The following SLC4A7 variants were observed in gnomAD, a reference collection of about 807,000 sequenced individuals.
The protein encoded by SLC4A7 is solute carrier family 4 member 7, also known as sodium bicarbonate cotransporter 3.
A neutral mutation model predicts 137.6 loss-of-function variants in SLC4A7; 51 were observed. That is an observed-to-expected ratio of 0.37 (90% confidence interval 0.30 to 0.47). The LOEUF is 0.47. Ranked by LOEUF, SLC4A7 falls within the 20% of genes least tolerant of loss-of-function variation. The pLI, the probability that SLC4A7 is intolerant of heterozygous loss-of-function variation, is 1.00. For synonymous variants in SLC4A7, 542 were observed against 518.6 expected (o/e 1.05, Z -0.61); for missense variants, 1,247 against 1,525.4 (o/e 0.82, Z 3.04).
intron 3 of SLC4A7, among the ~76,000 whole-genome samples, chr3:27,439,754 G>A (rs1380071749): frequency 6.6e-6 from 1 of 152,150 alleles, no homozygotes; most frequent in Non-Finnish European, 1.5e-5. Context: ...TTCTAGTACA[G>A]TGTTATATAA....
intron 11 of SLC4A7, among the ~76,000 whole-genome samples, chr3:27,413,043 T>C (rs1471767709): frequency 6.6e-6 from 1 of 152,124 alleles, no homozygotes; most frequent in Non-Finnish European, 1.5e-5. Flanking sequence ...TAAAGACTGC[T>C]GTTTGAAAAA....
Position 27,398,362 on chromosome 3 carries a change from AAG to A in SLC4A7, c.2428-11_2428-10del, listed in dbSNP as rs1477495276. On this transcript the variant is annotated splice_polypyrimidine_tract_variant and intron_variant, in intron 16 of 25. Coordinates refer to ENST00000454389, the MANE Select transcript of SLC4A7 (RefSeq NM_001321103.2). ...CGAAGTTTTTTACATTCCTGGAAAA[AAG>A]GAGAAAGAAAAAGCAGAATGGGGGA... is the stretch of plus-strand genomic sequence containing the variant. 1 of 1,585,176 alleles carries A rather than the reference AAG, an allele frequency of 6.3e-7. No individual in the cohort carries two copies. The highest frequency in any genetic ancestry group is 1.4e-5 in the African/African-American group (1 of 73,310).
chr3:27,472,552 A>G (rs533971721), intron 1 of SLC4A7, among the ~76,000 whole-genome samples: 17 of 152,336 alleles, frequency 1.1e-4, no homozygotes, highest in African/African-American at 3.8e-4. Flanking sequence ...TATAAAGTGT[A>G]TAATTTGCAT....
chr3:27,431,153 C>CAT, intron 7 of SLC4A7, 145 bp downstream of exon 7: 4 of 908,268 alleles, frequency 4.4e-6, no homozygotes, highest in Non-Finnish European at 6.1e-6. Context: ...CACAATCTAT[C>CAT]ATAAAGAAAA....
In SLC4A7 at chr3:27,431,604, T is replaced by C; in HGVS notation, c.844A>G (p.Arg282Gly). 6.2e-7 allele frequency: 1 copy of C among 1,613,728 alleles called. No homozygotes were observed. Among genetic ancestry groups the C allele is most frequent in the Non-Finnish European group, 8.5e-7 (1 of 1,179,816 alleles). The change falls in exon 7 of 26, where the codon AGA becomes GGA. Residue 282 changes from arginine (R) to glycine (G), a missense_variant. Arg to Gly is a moderately radical substitution (Grantham distance 125, BLOSUM62 -2). Coordinates refer to ENST00000454389, the MANE Select transcript of SLC4A7 (RefSeq NM_001321103.2). The part of the protein sequence containing the change: ...TGLSASNLSL[R>G]GESPLSLLLG... ...AGAAGAGATAAAGGTGATTCTCCTC[T>C]CAAGGAAAGGTTTGAGGCAGACAGA... is the stretch of plus-strand genomic sequence containing the variant.
Position 27,420,696 on chromosome 3 carries a change from T to C in SLC4A7, c.1512+4A>G. On this transcript the variant is annotated splice_donor_region_variant and intron_variant, in intron 10 of 25. Coordinates refer to ENST00000454389, the MANE Select transcript of SLC4A7 (RefSeq NM_001321103.2). ...TTCAAAGAGACTTGGAGTATTCTGA[T>C]TACCTCATCTGTCATGAGAGTGGCT... 6 of 1,585,766 alleles carry C rather than the reference T, an allele frequency of 3.8e-6. No homozygotes were observed. Among genetic ancestry groups the C allele is most frequent in the Non-Finnish European group, 5.2e-6 (6 of 1,154,306 alleles).
intron 18 of SLC4A7, among the ~76,000 whole-genome samples, chr3:27,396,028 T>G (rs2052122076): frequency 6.6e-6 from 1 of 152,204 alleles, no homozygotes; most frequent in Non-Finnish European, 1.5e-5. Context: ...GCAATTTTTT[T>G]TTAAAGATCA....
rs544792059 is a variant in SLC4A7 at position 27,450,558 on chromosome 3, C to T, written c.143-1761G>A. On this transcript the variant is annotated intron_variant, in intron 2 of 25. Transcript: ENST00000454389. ...AAAGAGTCAAATTCCCATCACTGCA[C>T]TGGGAATTACAAAGTTGTTCCTCCA... 8.5e-5 allele frequency among the ~76,000 whole-genome samples: 13 copies of T among 152,156 alleles called. No homozygotes were observed. In the South Asian group the frequency reaches 1.2e-3, roughly 15 times the overall value.
At chr3:27,439,682 T>C (rs1304566302) in intron 3 of SLC4A7, among the ~76,000 whole-genome samples, 1 of 152,230 alleles carries the variant, frequency 6.6e-6, no homozygotes, top group Non-Finnish European at 1.5e-5. Flanking sequence ...AAGACCATTT[T>C]ACTTTTTCAT....
chr3:27,468,172 G>A (rs1421463050), intron 1 of SLC4A7, among the ~76,000 whole-genome samples: 2 of 151,874 alleles, frequency 1.3e-5, no homozygotes, highest in Non-Finnish European at 1.5e-5. Context: ...CAAGTGATCC[G>A]CCCGCCTCGG....
chr3:27,403,173 T>A lies in SLC4A7; in HGVS notation c.2287A>T (p.Met763Leu). The A allele has an allele frequency of 6.2e-7, 1 of 1,613,278 alleles. No homozygotes were observed. Among genetic ancestry groups the A allele is most frequent in the Non-Finnish European group, 8.5e-7 (1 of 1,179,758 alleles). Residue 763 changes from methionine (M) to leucine (L), a missense_variant, in exon 15 of 26, where the codon ATG becomes TTG. Physicochemically the swap from Met to Leu is conservative, Grantham distance 15 (BLOSUM62 2). Transcript: ENST00000454389. ...FDLGETYAFN[M>L]HNNLDKLTSY... ...GTCAGTTTATCTAAGTTGTTGTGCATATTAAATGCATATGTTTCTCCTAAA... is the reference window on the plus strand; with the variant it reads ...GTCAGTTTATCTAAGTTGTTGTGCAAATTAAATGCATATGTTTCTCCTAAA...
At chr3:27,386,138 T>A in intron 22 of SLC4A7, 115 bp from the exon 23 acceptor site, 1 of 689,812 alleles carries the variant, frequency 1.4e-6, no homozygotes, top group Non-Finnish European at 2.3e-6. Flanking sequence ...GTTTAAAAAT[T>A]ATTCACACAT....
At chr3:27,405,358 C>T (rs1431427008) in intron 13 of SLC4A7, among the ~76,000 whole-genome samples, 4 of 152,084 alleles carry the variant, frequency 2.6e-5, no homozygotes, top group Admixed American at 2.6e-4. Context: ...AATCCAAAAT[C>T]TGAACTACTC....
chr3:27,376,492 T>G lies in SLC4A7; in HGVS notation c.*272A>C. On this transcript the variant is annotated 3_prime_UTR_variant, in exon 26 of 26. Coordinates refer to ENST00000454389, the MANE Select transcript of SLC4A7 (RefSeq NM_001321103.2). ...ATTTAAGAAAAGTAGACTGAAAGCA[T>G]TTCTCCACATCCTTCTATTGCAAAA... is the stretch of plus-strand genomic sequence containing the variant. 4.4e-6 allele frequency: 1 copy of G among 229,056 alleles called. No individual in the cohort carries two copies. The highest frequency in any genetic ancestry group is 8.4e-6 in the Non-Finnish European group (1 of 119,404). The allele number at this position is 229,056 out of a possible 1,614,324, so 14.2% of individuals were successfully genotyped here. A position where few individuals can be genotyped will look rare whatever the true frequency, so the allele number is the denominator to read the frequency against.
chr3:27,392,870 G>A (rs1218018000), intron 20 of SLC4A7, among the ~76,000 whole-genome samples: 2 of 151,734 alleles, frequency 1.3e-5, no homozygotes, highest in Non-Finnish European at 2.9e-5. Flanking sequence ...AAATAAGAAT[G>A]GGAAAAGCTC....
Position 27,437,438 on chromosome 3 carries a change from A to G in SLC4A7, c.378T>C (p.Asp126=). ...HIPHDLFTEM[D]ELCYRDGEEY... is the part of the protein sequence containing the mutation. The stretch of plus-strand genomic sequence containing the variant: ...CTTCTCCATCTCTGTAACACAGTTC[A>G]TCCATTTCCGTGAAGAGATCATGGG... Residue 126 remains aspartate, a synonymous_variant, in exon 4 of 26, where the codon GAT becomes GAC. Coordinates refer to ENST00000454389, the MANE Select transcript of SLC4A7 (RefSeq NM_001321103.2). The G allele has an allele frequency of 1.2e-6, 2 of 1,604,034 alleles. No homozygotes were observed. Among genetic ancestry groups the G allele is most frequent in the Non-Finnish European group, 1.7e-6 (2 of 1,174,242 alleles).
rs539928482 is a variant in SLC4A7 at position 27,411,385 on chromosome 3, C to T, written c.1766+257G>A. On this transcript the variant is annotated intron_variant, in intron 12 of 25. Transcript: ENST00000454389. Reference sequence around the variant, plus strand: ...TGTATAAGCAATGGAAATTAACCTACACACTATATAACTGCAATATTCTGA... The same window carrying T: ...TGTATAAGCAATGGAAATTAACCTATACACTATATAACTGCAATATTCTGA... Among the ~76,000 whole-genome samples the T allele has an allele frequency of 1.1e-4, 17 of 152,076 alleles. No individual in the cohort carries two copies. In the East Asian group the frequency reaches 3.3e-3, roughly 29 times the overall value.
chr3:27,390,792 A>T (rs979594047), intron 21 of SLC4A7, among the ~76,000 whole-genome samples: 25 of 152,208 alleles, frequency 1.6e-4, no homozygotes, highest in African/African-American at 5.8e-4. Flanking sequence ...TGTAGCGCTA[A>T]CTGTGCTTTA....
At position 27,376,697 on chromosome 3, in the gene SLC4A7, A is replaced by G; in HGVS notation, c.*67T>C. On this transcript the variant is annotated 3_prime_UTR_variant, in exon 26 of 26. Coordinates refer to ENST00000454389, the MANE Select transcript of SLC4A7 (RefSeq NM_001321103.2). ...AGCATGACATACAATATTCTTATAT[A>G]TAGTGACATGATACGCACACATTAC... is the stretch of plus-strand genomic sequence containing the variant. 3 of 959,662 alleles carry G rather than the reference A, an allele frequency of 3.1e-6. No individual in the cohort carries two copies. Among genetic ancestry groups the G allele is most frequent in the Non-Finnish European group, 3.3e-6 (2 of 605,686 alleles). The allele number at this position is 959,662 out of a possible 1,614,324, so 59.4% of individuals were successfully genotyped here. A position where few individuals can be genotyped will look rare whatever the true frequency, so the allele number is the denominator to read the frequency against.
Sources: allele counts gnomAD v4.1 joint callset (sites outside exome capture counted in the v4.1 genomes callset), GRCh38; gene constraint gnomAD v4.1.1; transcripts MANE v1.5; gene names NCBI Gene and HGNC (gene_info 2026-07-23, HGNC 2026-07-21).